Variants in NGEF observed in about 807,000 individuals in gnomAD.
NGEF encodes the protein neuronal guanine nucleotide exchange factor, also known as ephexin-1.
Under a neutral mutation model 80.9 loss-of-function variants are expected in NGEF, and 31 were observed. The observed-to-expected ratio is 0.38, with a 90% CI of 0.29 to 0.52. The LOEUF is 0.52. Ranked by LOEUF, NGEF falls within the 20% of genes least tolerant of loss-of-function variation. The pLI is 0.84. For synonymous variants in NGEF, 371 were observed against 370.2 expected, an observed-to-expected ratio of 1.00 and a Z score of -0.03; for missense variants, 709 against 926.2, an observed-to-expected ratio of 0.77 and a Z score of 3.04.
intron 5 of NGEF, among the ~76,000 whole-genome samples, chr2:232,897,653 G>A (rs766781883): frequency 2.6e-5 from 4 of 152,174 alleles, no homozygotes; most frequent in South Asian, 2.1e-4. Flanking sequence ...CAGGGCCAGC[G>A]GCCAACTGCA....
At chr2:232,972,469 G>T (rs1694213223) in intron 2 of NGEF, among the ~76,000 whole-genome samples, 1 of 152,134 alleles carries the variant, frequency 6.6e-6, no homozygotes. Context: ...GCATATTTCT[G>T]TTGGATGGCG....
chr2:232,982,100 G>T (rs1694442410), intron 1 of NGEF, among the ~76,000 whole-genome samples: 1 of 152,226 alleles, frequency 6.6e-6, no homozygotes. Flanking sequence ...GGTCCTTGGA[G>T]CTGGGACCTT....
chr2:232,975,036 A>G, intron 1 of NGEF, 72 bp from the exon 2 acceptor site: 1 of 732,240 alleles, frequency 1.4e-6, no homozygotes. Context: ...GTGGAACTCC[A>G]CTCCCATTCG....
At chr2:232,905,074 C>A (rs1018679359) in intron 5 of NGEF, among the ~76,000 whole-genome samples, 3 of 151,404 alleles carry the variant, frequency 2.0e-5, no homozygotes, top group African/African-American at 7.3e-5. Context: ...CTCTCCTCTC[C>A]CCTCTCCCCT....
chr2:232,924,348 T>C (rs184823539), intron 4 of NGEF, among the ~76,000 whole-genome samples: 2 of 152,272 alleles, frequency 1.3e-5, no homozygotes, highest in East Asian at 1.9e-4. Flanking sequence ...GAAGCAGAGA[T>C]AGCCAGCCCT....
intron 3 of NGEF, among the ~76,000 whole-genome samples, chr2:232,965,533 G>A (rs2106317139): frequency 6.6e-6 from 1 of 152,280 alleles, no homozygotes; most frequent in South Asian, 2.1e-4. Context: ...CAGAGAGTGG[G>A]TGAGGACCCC....
chr2:233,002,651 A>G (rs1695004708), intron 1 of NGEF, among the ~76,000 whole-genome samples: 1 of 152,202 alleles, frequency 6.6e-6, no homozygotes, highest in Non-Finnish European at 1.5e-5. Context: ...AGCTTGGGCA[A>G]TAGAGAGAGA....
At chr2:233,001,391 C>T (rs1694974978) in intron 1 of NGEF, among the ~76,000 whole-genome samples, 5 of 152,332 alleles carry the variant, frequency 3.3e-5, no homozygotes, top group African/African-American at 1.2e-4. Context: ...CTCATGTGAG[C>T]CTGTGAGTCT....
At chr2:232,971,551 G>A (rs1694184865) in intron 2 of NGEF, among the ~76,000 whole-genome samples, 1 of 152,162 alleles carries the variant, frequency 6.6e-6, no homozygotes, top group African/African-American at 2.4e-5. Context: ...CGGGCATGGT[G>A]GCAGACACCT....
In NGEF at chr2:232,986,103, T is replaced by C. The variant is rs577993467; in HGVS notation, c.-74-11139A>G. On this transcript the variant is annotated intron_variant, in intron 1 of 14. Transcript: ENST00000264051. ...AGAAGACATACAAATGGAAAACAGA[T>C]ACATGAAAAAATGCTCAAGATCACT... is the stretch of plus-strand genomic sequence containing the variant. 4.6e-5 allele frequency among the ~76,000 whole-genome samples: 7 copies of C among 152,106 alleles called. No homozygotes were observed. The South Asian group carries it at 1.5e-3, about 32-fold the overall frequency.
intron 1 of NGEF, among the ~76,000 whole-genome samples, chr2:233,000,245 A>G (rs1383260175): frequency 6.6e-6 from 1 of 152,154 alleles, no homozygotes; most frequent in Non-Finnish European, 1.5e-5. Context: ...ATAGGCATAC[A>G]CTGCCATGCT....
intron 8 of NGEF, among the ~76,000 whole-genome samples, chr2:232,888,586 C>T (rs745785804): frequency 2.6e-5 from 4 of 152,058 alleles, no homozygotes; most frequent in East Asian, 3.9e-4. Flanking sequence ...CACGCACACA[C>T]ATACACACAG....
chr2:232,978,355 GA>G (rs1296176066), intron 1 of NGEF, among the ~76,000 whole-genome samples: 1 of 151,316 alleles, frequency 6.6e-6, no homozygotes, highest in Admixed American at 6.6e-5. Context: ...TCTACTAAAA[GA>G]AAAAAAATAT....
At chr2:232,946,610 C>T (rs1693565895) in intron 3 of NGEF, among the ~76,000 whole-genome samples, 1 of 152,174 alleles carries the variant, frequency 6.6e-6, no homozygotes, top group African/African-American at 2.4e-5. Context: ...GTAACGAGCA[C>T]ATCTAATGCC....
chr2:232,951,611 A>G (rs1176201866), intron 3 of NGEF, among the ~76,000 whole-genome samples: 1 of 152,210 alleles, frequency 6.6e-6, no homozygotes, highest in Non-Finnish European at 1.5e-5. Context: ...TGTCAGAGAC[A>G]GAAAGGGAAT....
intron 6 of NGEF, 168 bp downstream of exon 6, chr2:232,894,588 T>G: frequency 1.5e-6 from 1 of 673,344 alleles, no homozygotes. Flanking sequence ...CCAGAAGGGG[T>G]GGTGAGGTTT....
At chr2:232,900,054 TCACA>T (rs1559199414) in intron 5 of NGEF, among the ~76,000 whole-genome samples, 3 of 140,660 alleles carry the variant, frequency 2.1e-5, no homozygotes, top group African/African-American at 8.3e-5. Context: ...ACACACGCTC[TCACA>T]GTCACTCATA....
At chr2:232,944,108 C>T (rs935411850) in intron 3 of NGEF, among the ~76,000 whole-genome samples, 2 of 151,968 alleles carry the variant, frequency 1.3e-5, no homozygotes, top group South Asian at 4.2e-4. Flanking sequence ...TGGTCACACA[C>T]CTGTAATCCC....
At chr2:232,975,017 A>G (rs1694263967) in intron 1 of NGEF, 53 bp from the exon 2 acceptor site, 8 of 910,978 alleles carry the variant, frequency 8.8e-6, no homozygotes, top group Admixed American at 2.9e-5. Flanking sequence ...TAAGTATTCT[A>G]TTCAGACTGT....
Sources: gnomAD v4.1 joint callset for allele counts (sites outside exome capture counted in the v4.1 genomes callset) on GRCh38, gnomAD v4.1.1 for gene constraint, MANE v1.5 for transcripts, NCBI Gene and HGNC (gene_info 2026-07-23, HGNC 2026-07-21) for gene names.